Variants in TMBIM6 observed in about 807,000 individuals in gnomAD.
TMBIM6 encodes bax inhibitor 1.
Under a neutral mutation model 31.4 loss-of-function variants are expected in TMBIM6, and 13 were observed. The observed-to-expected ratio is 0.41, with a 90% CI of 0.27 to 0.66. The LOEUF is 0.66. Among genes scored for constraint, TMBIM6 ranks in the 30% least tolerant of loss-of-function variants. TMBIM6 has a pLI of 0.28. For synonymous variants in TMBIM6, 85 were observed against 101.7 expected (o/e 0.84, Z 0.99); for missense variants, 275 against 289.5 (o/e 0.95, Z 0.36).
At chr12:49,756,282 T>C (rs1474745524) in intron 4 of TMBIM6, among the ~76,000 whole-genome samples, 11 of 151,118 alleles carry the variant, frequency 7.3e-5, no homozygotes, top group African/African-American at 2.7e-4. Flanking sequence ...ATTACAGGCA[T>C]GTGCCACCAT....
chr12:49,743,074 T>C (rs1473044995), intron 1 of TMBIM6, among the ~76,000 whole-genome samples: 1 of 147,504 alleles, frequency 6.8e-6, no homozygotes, highest in Admixed American at 6.9e-5. Context: ...AACCTTGACC[T>C]CTCCTGGCTT....
chr12:49,745,736 C>T (rs1467596378), intron 1 of TMBIM6, among the ~76,000 whole-genome samples: 1 of 112,736 alleles, frequency 8.9e-6, no homozygotes, highest in Non-Finnish European at 1.7e-5. Context: ...AAAAAAAAAA[C>T]CCAGCACATT....
At chr12:49,751,594 G>A (rs1945495247) in intron 1 of TMBIM6, among the ~76,000 whole-genome samples, 1 of 151,806 alleles carries the variant, frequency 6.6e-6, no homozygotes, top group Admixed American at 6.6e-5. Flanking sequence ...AAAATTGTGA[G>A]TCCTTTTCAG....
chr12:49,751,450 T>G (rs1340886137), intron 1 of TMBIM6, among the ~76,000 whole-genome samples: 1 of 152,102 alleles, frequency 6.6e-6, no homozygotes, highest in East Asian at 1.9e-4. Flanking sequence ...TGGGTGAAGG[T>G]TGTACAGGAA....
At position 49,753,083 on chromosome 12, in the gene TMBIM6, T is replaced by C. The variant is rs1334773992; in HGVS notation, c.165+2T>C. 16 of 1,611,324 alleles carry C rather than the reference T, an allele frequency of 9.9e-6. No individual in the cohort carries two copies. Among genetic ancestry groups the C allele is most frequent in the Non-Finnish European group, 1.4e-5 (16 of 1,178,848 alleles). On this transcript the variant is annotated splice_donor_variant, in intron 3 of 9. Transcript: ENST00000267115. LOFTEE classifies it high-confidence loss of function. ...CATATGGTCACTCATTTCATTCAGG[T>C]AAGAACGATTTTCTCTCCTGGTTGC... is the stretch of plus-strand genomic sequence containing the variant.
At chr12:49,753,392 A>G (rs1036310966) in intron 3 of TMBIM6, among the ~76,000 whole-genome samples, 6 of 152,284 alleles carry the variant, frequency 3.9e-5, no homozygotes, top group Admixed American at 1.3e-4. Context: ...AAGCTTTTTT[A>G]TCTTTTCCTC....
At chr12:49,747,305 T>A (rs1169771711) in intron 1 of TMBIM6, among the ~76,000 whole-genome samples, 1 of 152,180 alleles carries the variant, frequency 6.6e-6, no homozygotes, top group East Asian at 1.9e-4. Flanking sequence ...ACGGTTTTGC[T>A]GTGTTGCCCA....
At chr12:49,748,759 C>T (rs769905156) in intron 1 of TMBIM6, among the ~76,000 whole-genome samples, 6 of 152,170 alleles carry the variant, frequency 3.9e-5, no homozygotes, top group Non-Finnish European at 7.3e-5. Flanking sequence ...AATAACCCCT[C>T]CTCTTTATTT....
intron 1 of TMBIM6, among the ~76,000 whole-genome samples, chr12:49,750,410 T>TA (rs1945473910): frequency 6.6e-6 from 1 of 152,212 alleles, no homozygotes; most frequent in African/African-American, 2.4e-5. Flanking sequence ...GCTTCAGTAT[T>TA]ATTGTAAGTG....
At chr12:49,751,958 T>C (rs1406332507) in intron 1 of TMBIM6, among the ~76,000 whole-genome samples, 1 of 152,026 alleles carries the variant, frequency 6.6e-6, no homozygotes, top group Non-Finnish European at 1.5e-5. Flanking sequence ...AGACAGGGTT[T>C]CACCATGTTG....
chr12:49,752,410 C>G, intron 1 of TMBIM6, 54 bp from the exon 2 acceptor site: 2 of 1,150,288 alleles, frequency 1.7e-6, no homozygotes, highest in Non-Finnish European at 1.2e-6. Context: ...TTTTTATAAG[C>G]TGTTCGTGTG....
intron 1 of TMBIM6, among the ~76,000 whole-genome samples, chr12:49,749,242 CAT>C (rs1333279425): frequency 6.6e-6 from 1 of 152,178 alleles, no homozygotes; most frequent in Non-Finnish European, 1.5e-5. Context: ...AGCAAACTAT[CAT>C]ATTTCTTTGA....
intron 1 of TMBIM6, among the ~76,000 whole-genome samples, chr12:49,745,735 A>AAAAAAAAAAAAAAAC (rs375099364): frequency 8.4e-4 from 126 of 150,574 alleles, no homozygotes; most frequent in South Asian, 7.1e-3. Context: ...AAAAAAAAAA[A>AAAAAAAAAAAAAAAC]CCCAGCACAT....
Position 49,759,209 on chromosome 12 carries a change from T to TAA in TMBIM6, c.514-11_514-10insAA. The TAA allele has an allele frequency of 6.2e-7, 1 of 1,612,650 alleles. No homozygotes were observed. The highest frequency in any genetic ancestry group is 1.1e-5 in the South Asian group (1 of 91,040). On this transcript the variant is annotated splice_polypyrimidine_tract_variant and intron_variant, in intron 7 of 9. Transcript: ENST00000267115. ...TCTGCTGTATAGTAACTTCATCTCT[T>TAA]ACATTTGTTAGGCAAACCTGTATGT...
intron 4 of TMBIM6, among the ~76,000 whole-genome samples, chr12:49,757,612 G>C (rs1173579710): frequency 2.6e-5 from 4 of 152,216 alleles, no homozygotes; most frequent in African/African-American, 9.7e-5. Flanking sequence ...ATATACGTAG[G>C]AGAAATTTTA....
intron 1 of TMBIM6, among the ~76,000 whole-genome samples, chr12:49,748,961 A>G (rs1945445098): frequency 6.6e-6 from 1 of 152,216 alleles, no homozygotes; most frequent in Non-Finnish European, 1.5e-5. Context: ...GGTTAATGGT[A>G]CTGAATATAA....
At chr12:49,755,598 C>T (rs1592728530) in intron 3 of TMBIM6, 37 bp from the exon 4 acceptor site, 2 of 1,602,918 alleles carry the variant, frequency 1.2e-6, no homozygotes, top group African/African-American at 1.3e-5. Flanking sequence ...TTGAAACTTT[C>T]AAGTGTTTAA....
At chr12:49,752,645 CAAATT>C in intron 2 of TMBIM6, 96 bp downstream of exon 2, 1 of 1,060,372 alleles carries the variant, frequency 9.4e-7, no homozygotes, top group Non-Finnish European at 1.4e-6. Context: ...TATAAGCTAA[CAAATT>C]AACTTGGCCA....
At chr12:49,746,738 T>G (rs1592721326) in intron 1 of TMBIM6, among the ~76,000 whole-genome samples, 1 of 151,984 alleles carries the variant, frequency 6.6e-6, no homozygotes, top group African/African-American at 2.4e-5. Context: ...TAGTAAAAAC[T>G]AATGAATGGA....
Sources: allele counts gnomAD v4.1 joint callset (sites outside exome capture counted in the v4.1 genomes callset), GRCh38; gene constraint gnomAD v4.1.1; transcripts MANE v1.5; gene names NCBI Gene and HGNC (gene_info 2026-07-23, HGNC 2026-07-21).